Variants in ASTE1 observed in about 807,000 individuals in gnomAD.
ASTE1 encodes the protein asteroid structure-specific endonuclease 1.
ASTE1 carries 49 observed loss-of-function variants against 45.8 expected under a neutral mutation model. That is an observed-to-expected ratio of 1.07 (90% CI 0.85 to 1.36). The LOEUF (loss-of-function observed/expected upper bound fraction) is 1.36. Among genes scored for constraint, ASTE1 ranks in the 40% most tolerant of loss-of-function variants. The pLI, the probability that ASTE1 is intolerant of heterozygous loss-of-function variation, is 0.00. For synonymous variants in ASTE1, 296 were observed against 303.9 expected (o/e 0.97, Z 0.27); for missense variants, 709 against 804.0 (o/e 0.88, Z 1.43).
In ASTE1 at chr3:131,016,329, C is replaced by T. The variant is rs1335478314; in HGVS notation, c.1524G>A (p.Glu508=). Residue 508 remains glutamate (E), a synonymous_variant, in exon 5 of 6, where the codon GAG becomes GAA. Transcript: ENST00000264992. ...IAIINSPGKE[E]LQEDGAKMLY... is the part of the protein sequence containing the mutation. Reference sequence around the variant, plus strand: ...ACATCTTAGCACCATCTTCCTGCAGCTCTTCCTTACCTAAATAAAGAAACA... The same window carrying T: ...ACATCTTAGCACCATCTTCCTGCAGTTCTTCCTTACCTAAATAAAGAAACA... 2.5e-6 allele frequency: 4 copies of T among 1,614,044 alleles called. No homozygotes were observed. Among genetic ancestry groups the T allele is most frequent in the Non-Finnish European group, 2.5e-6 (3 of 1,180,030 alleles).
Position 131,014,146 on chromosome 3 carries a change from T to G in ASTE1, c.1951A>C (p.Thr651Pro), listed in dbSNP as rs1324245571. Residue 651 changes from threonine to proline, a missense_variant, in exon 6 of 6, where the codon ACC becomes CCC. Physicochemically the swap from Thr to Pro is conservative, Grantham distance 38 (BLOSUM62 -1). Coordinates refer to ENST00000264992, the MANE Select transcript of ASTE1 (RefSeq NM_014065.4). ...SKNRGRTTAHTKCWYEGNNRF... is the reference protein window; with the variant it reads ...SKNRGRTTAHPKCWYEGNNRF... The stretch of plus-strand genomic sequence containing the variant: ...TTGTTTCCCTCATACCAACACTTGG[T>G]GTGTGCAGTGGTTCTCCCTCTGTTC... 4 of 1,613,900 alleles carry G rather than the reference T, an allele frequency of 2.5e-6. No homozygotes were observed. Among genetic ancestry groups the G allele is most frequent in the Middle Eastern group, 1.6e-4 (1 of 6,062 alleles).
chr3:131,016,425 A>G, intron 4 of ASTE1, 86 bp from the exon 5 acceptor site: 1 of 1,417,404 alleles, frequency 7.1e-7, no homozygotes, highest in Non-Finnish European at 9.8e-7. Flanking sequence ...CAAATTCTAT[A>G]AAGAAAGAAA....
intron 3 of ASTE1, among the ~76,000 whole-genome samples, chr3:131,021,233 C>T (rs1264925754): frequency 2.0e-5 from 3 of 152,040 alleles, no homozygotes; most frequent in African/African-American, 7.3e-5. Flanking sequence ...GAGCAAAAAA[C>T]TGTACAGAAA....
At chr3:131,017,302 G>T (rs1271764461) in intron 4 of ASTE1, among the ~76,000 whole-genome samples, 2 of 152,196 alleles carry the variant, frequency 1.3e-5, no homozygotes, top group Non-Finnish European at 2.9e-5. Context: ...AGGAATCCAT[G>T]CTGTTTCATT....
chr3:131,016,355 G>A lies in ASTE1; in HGVS notation c.1514-16C>T. On this transcript the variant is annotated splice_polypyrimidine_tract_variant and intron_variant, in intron 4 of 5. Coordinates refer to ENST00000264992, the MANE Select transcript of ASTE1 (RefSeq NM_014065.4). ...TCTTCCTTACCTAAATAAAGAAACA[G>A]CCCAAGGGCAGTATTTCTAAAAGCA... The A allele has an allele frequency of 9.3e-6, 15 of 1,614,012 alleles. No homozygotes were observed. The highest frequency in any genetic ancestry group is 1.3e-5 in the Non-Finnish European group (15 of 1,179,940).
chr3:131,018,418 C>T, intron 4 of ASTE1, 88 bp downstream of exon 4: 2 of 1,317,300 alleles, frequency 1.5e-6, no homozygotes, highest in South Asian at 1.3e-5. Flanking sequence ...GTAAATAATC[C>T]AAGAATACTT....
In ASTE1 at chr3:131,024,891, G is replaced by C. The variant is rs764710584; in HGVS notation, c.416C>G (p.Ser139Ter). ...TGTCATAATGTCCCGATCTGCTTCT[G>C]AAAAGCACTGGACAAAACACACCCG... ...KLRVCFVQCF[S>*]EADRDIMTLA... The change falls in exon 3 of 6, where the codon TCA (serine) becomes TGA (stop). Residue 139 changes from serine to a stop codon, truncating the protein, a stop_gained. Transcript: ENST00000264992. LOFTEE classifies it high-confidence loss of function. The C allele has an allele frequency of 6.2e-7, 1 of 1,614,162 alleles. No homozygotes were observed. Among genetic ancestry groups the C allele is most frequent in the Non-Finnish European group, 8.5e-7 (1 of 1,180,028 alleles).
Position 131,013,923 on chromosome 3 carries a change from G to T in ASTE1, c.*134C>A. On this transcript the variant is annotated 3_prime_UTR_variant, in exon 6 of 6. Transcript: ENST00000264992. ...TAAAAACAAAATACAAAATAACTTG[G>T]AATTCAGATTATTGTGATGTTTATC... 1.7e-6 allele frequency: 1 copy of T among 590,870 alleles called. No homozygotes were observed. Among genetic ancestry groups the T allele is most frequent in the South Asian group, 2.7e-5 (1 of 37,554 alleles). The allele number at this position is 590,870 out of a possible 1,614,324, so 36.6% of individuals were successfully genotyped here.
chr3:131,020,540 C>T (rs1042054433), intron 3 of ASTE1, among the ~76,000 whole-genome samples: 1 of 151,936 alleles, frequency 6.6e-6, no homozygotes, highest in African/African-American at 2.4e-5. Flanking sequence ...GAAACCCTAT[C>T]CCATGTGGTT....
rs776534719 is a variant in ASTE1 at position 131,022,488 on chromosome 3, T to A, written c.1302+1517A>T. ...CTGTACCACCATGCCTGGCAAAAAA[T>A]TTTTTTTTTTTTTTTTAGTAGAGAC... On this transcript the variant is annotated intron_variant, in intron 3 of 5. Coordinates refer to ENST00000264992, the MANE Select transcript of ASTE1 (RefSeq NM_014065.4). 8.5e-3 allele frequency among the ~76,000 whole-genome samples: 1,090 copies of A among 127,546 alleles called. 3 individuals carry two copies. The highest frequency in any genetic ancestry group is 0.021 in the African/African-American group (656 of 31,504). The allele number at this position is 127,546 out of a possible 152,430, so 83.7% of individuals were successfully genotyped here.
intron 5 of ASTE1, among the ~76,000 whole-genome samples, chr3:131,015,564 T>C (rs2063580865): frequency 6.6e-6 from 1 of 152,162 alleles, no homozygotes; most frequent in African/African-American, 2.4e-5. Context: ...GCAAACATCC[T>C]AGGTTAAGTT....
At chr3:131,023,452 T>A (rs2063768646) in intron 3 of ASTE1, among the ~76,000 whole-genome samples, 1 of 152,148 alleles carries the variant, frequency 6.6e-6, no homozygotes, top group South Asian at 2.1e-4. Context: ...TAAGCAACAC[T>A]AAGTTAGACT....
Position 131,024,861 on chromosome 3 carries a change from G to C in ASTE1, c.446C>G (p.Ala149Gly). The C allele has an allele frequency of 6.2e-7, 1 of 1,614,134 alleles. No homozygotes were observed. Residue 149 changes from alanine (A) to glycine (G), a missense_variant, in exon 3 of 6, where the codon GCT becomes GGT. By Grantham distance (60) the Ala-to-Gly change is moderately conservative (BLOSUM62 0). Transcript: ENST00000264992. ...SEADRDIMTL[A>G]NHWNCPVLSS... ...TAACACAGGGCAATTCCAATGGTTAGCAAGTGTCATAATGTCCCGATCTGC... is the reference window on the plus strand; with the variant it reads ...TAACACAGGGCAATTCCAATGGTTACCAAGTGTCATAATGTCCCGATCTGC...
intron 3 of ASTE1, among the ~76,000 whole-genome samples, chr3:131,022,208 G>C (rs1356259110): frequency 6.6e-6 from 1 of 152,154 alleles, no homozygotes; most frequent in Non-Finnish European, 1.5e-5. Flanking sequence ...TATGTTTATG[G>C]AATTATTATA....
Position 131,024,816 on chromosome 3 carries a change from C to G in ASTE1, c.491G>C (p.Cys164Ser). The G allele has an allele frequency of 6.2e-7, 1 of 1,614,090 alleles. No homozygotes were observed. Among genetic ancestry groups the G allele is most frequent in the Non-Finnish European group, 8.5e-7 (1 of 1,180,014 alleles). The change falls in exon 3 of 6, where the codon TGC becomes TCC. Residue 164 changes from cysteine (C) to serine (S), a missense_variant. Cys to Ser is a moderately radical substitution (Grantham distance 112). Transcript: ENST00000264992. ...AAACCCAGTTTTCAGGTCAAAAATGCAAAAGTCACTATCTGATGATAACAC... is the reference window on the plus strand; with the variant it reads ...AAACCCAGTTTTCAGGTCAAAAATGGAAAAGTCACTATCTGATGATAACAC... ...CPVLSSDSDF[C>S]IFDLKTGFCP...
At chr3:131,016,860 C>A (rs763475895) in intron 4 of ASTE1, 1 of 584,560 alleles carries the variant, frequency 1.7e-6, no homozygotes, top group African/African-American at 2.0e-5. Flanking sequence ...GGATAAGGGG[C>A]AAGAAGCAAC....
intron 5 of ASTE1, chr3:131,015,261 A>C: frequency 1.4e-6 from 1 of 700,414 alleles, no homozygotes; most frequent in Non-Finnish European, 2.6e-6. Flanking sequence ...CTGGGGCTGC[A>C]ACAGCAAATA....
chr3:131,025,440 A>G (rs2063823791), intron 2 of ASTE1, 34 bp downstream of exon 2: 1 of 1,355,454 alleles, frequency 7.4e-7, no homozygotes, highest in Non-Finnish European at 9.8e-7. Context: ...TGCTCTTTAG[A>G]TAGAACATAG....
Position 131,025,017 on chromosome 3 carries a change from C to T in ASTE1, c.290G>A (p.Arg97Lys). ...KKLTTLKDRA[R>K]EKIQMAHSLS... ...GGAATGGGCCATCTGGATCTTCTCT[C>T]TAGCTCTATCCTTTAAAGTTGTAAG... is the stretch of plus-strand genomic sequence containing the variant. The change falls in exon 3 of 6, where the codon AGA becomes AAA. Residue 97 changes from arginine (R) to lysine (K), a missense_variant. Transcript: ENST00000264992. 6.2e-7 allele frequency: 1 copy of T among 1,600,908 alleles called. No homozygotes were observed. Among genetic ancestry groups the T allele is most frequent in the Non-Finnish European group, 8.5e-7 (1 of 1,173,136 alleles).
Sources: gnomAD v4.1 joint callset for allele counts (sites outside exome capture counted in the v4.1 genomes callset) on GRCh38, gnomAD v4.1.1 for gene constraint, MANE v1.5 for transcripts, NCBI Gene and HGNC (gene_info 2026-07-23, HGNC 2026-07-21) for gene names.